Variants in COL12A1 observed in about 807,000 individuals in gnomAD.
COL12A1 encodes collagen alpha-1(XII) chain.
COL12A1 carries 114 observed loss-of-function variants against 349.7 expected under a neutral mutation model. That is an observed-to-expected ratio of 0.33 (90% CI 0.28 to 0.38). The LOEUF is 0.38. Among genes scored for constraint, COL12A1 ranks in the 10% least tolerant of loss-of-function variants. The probability of loss-of-function intolerance (pLI) is 1.00; values close to 1 mark genes in which losing one functional copy is unlikely to be tolerated. For missense variants in COL12A1, 3,284 were observed against 3,756.9 expected, an observed-to-expected ratio of 0.87 and a Z score of 3.29; for synonymous variants, 1,369 against 1,329.0, an observed-to-expected ratio of 1.03 and a Z score of -0.66.
intron 14 of COL12A1, among the ~76,000 whole-genome samples, chr6:75,160,408 G>A (rs1010496714): frequency 1.3e-5 from 2 of 152,188 alleles, no homozygotes; most frequent in Non-Finnish European, 2.9e-5. Flanking sequence ...TGCCCTCTTG[G>A]AAGCATATGT....
intron 2 of COL12A1, among the ~76,000 whole-genome samples, chr6:75,202,399 C>T (rs189073217): frequency 1.3e-5 from 2 of 152,174 alleles, no homozygotes; most frequent in Non-Finnish European, 2.9e-5. Context: ...TGATTAGAGC[C>T]GTCGCCCCCT....
At chr6:75,191,809 T>C in intron 4 of COL12A1, 49 bp from the exon 5 acceptor site, 1 of 1,267,038 alleles carries the variant, frequency 7.9e-7, no homozygotes, top group African/African-American at 1.5e-5. Context: ...CAAGCAGATA[T>C]TCTCTTTAAA....
intron 1 of COL12A1, among the ~76,000 whole-genome samples, chr6:75,204,371 A>G (rs1365196663): frequency 6.6e-6 from 1 of 152,020 alleles, no homozygotes; most frequent in Non-Finnish European, 1.5e-5. Flanking sequence ...GCTGAACTCA[A>G]CGAAAACCTG....
chr6:75,121,674 T>A (rs1765739863), intron 43 of COL12A1, among the ~76,000 whole-genome samples: 1 of 152,136 alleles, frequency 6.6e-6, no homozygotes, highest in African/African-American at 2.4e-5. Context: ...TTAAGAAGCA[T>A]TGCGGGGACC....
chr6:75,155,095 C>T (rs933539938), intron 16 of COL12A1, among the ~76,000 whole-genome samples: 8 of 152,192 alleles, frequency 5.3e-5, no homozygotes, highest in African/African-American at 1.9e-4. Flanking sequence ...ATTCTTTTTA[C>T]TGTAATGAAT....
intron 43 of COL12A1, 76 bp from the exon 44 acceptor site, chr6:75,121,517 T>C (rs1332036212): frequency 1.4e-6 from 2 of 1,446,908 alleles, no homozygotes; most frequent in East Asian, 2.3e-5. Context: ...TAATTGAAAA[T>C]GCAATATAAC....
At position 75,181,219 on chromosome 6, in the gene COL12A1, A is replaced by AAAAAAAAAAAAAGACAGTT. The variant is rs560088357; in HGVS notation, c.1892-9_1892-8insAACTGTCTTTTTTTTTTTT. 1.6e-5 allele frequency: 23 copies of AAAAAAAAAAAAAGACAGTT among 1,422,928 alleles called. No individual in the cohort carries two copies. In the African/African-American group the frequency reaches 4.8e-4, roughly 29 times the overall value. 88.1% of individuals were successfully genotyped at this position (1,422,928 alleles called of 1,614,324 possible). A position where few individuals can be genotyped will look rare whatever the true frequency, so the allele number is the denominator to read the frequency against. ...CCTTTGGAGGGACGTAAGCTATTTA[A>AAAAAAAAAAAAAGACAGTT]AAAAAAAAAAAGACAGTTAAAAATG... On this transcript the variant is annotated splice_polypyrimidine_tract_variant and intron_variant, in intron 10 of 65. Transcript: ENST00000322507.
At position 75,130,103 on chromosome 6, in the gene COL12A1, T is replaced by G. The variant is rs34619869; in HGVS notation, c.6198A>C (p.Pro2066=). The change falls in exon 37 of 66, where the codon CCA becomes CCC. Residue 2066 remains proline, a synonymous_variant. Transcript: ENST00000322507. ...GTATCAGACTTACATATTCATCAAT[T>G]GGATCACCAACAGTGGGAGAATAGA... is the stretch of plus-strand genomic sequence containing the variant. ...RIIYSPTVGD[P]IDEYTTVPGR... The G allele has an allele frequency of 2.0e-3, 3,270 of 1,613,380 alleles. 52 individuals are homozygous for G. In the African/African-American group the frequency reaches 0.036, roughly 18 times the overall value.
chr6:75,185,459 C>A (rs1769562206), intron 8 of COL12A1, among the ~76,000 whole-genome samples: 1 of 152,110 alleles, frequency 6.6e-6, no homozygotes, highest in Admixed American at 6.5e-5. Flanking sequence ...CAAACCACTG[C>A]TCAAAGAAAT....
At chr6:75,195,430 A>G (rs1300274656) in intron 2 of COL12A1, among the ~76,000 whole-genome samples, 1 of 152,206 alleles carries the variant, frequency 6.6e-6, no homozygotes, top group Non-Finnish European at 1.5e-5. Flanking sequence ...ACAAGAAACA[A>G]TGATGGTTTT....
intron 19 of COL12A1, 40 bp downstream of exon 19, chr6:75,152,091 G>C: frequency 6.2e-7 from 1 of 1,613,690 alleles, no homozygotes; most frequent in East Asian, 2.2e-5. Context: ...ACCTTAACCA[G>C]AAGCATGAGC....
At chr6:75,114,961 T>G (rs1769005841) in intron 49 of COL12A1, among the ~76,000 whole-genome samples, 3 of 152,072 alleles carry the variant, frequency 2.0e-5, no homozygotes, top group Admixed American at 2.0e-4. Flanking sequence ...GGTATTACAG[T>G]TCACTGAAAA....
intron 44 of COL12A1, among the ~76,000 whole-genome samples, chr6:75,120,760 T>G (rs1187648154): frequency 6.6e-6 from 1 of 152,214 alleles, no homozygotes; most frequent in African/African-American, 2.4e-5. Flanking sequence ...TACTTCAGTA[T>G]AACAAATATA....
rs370767331 is a variant in COL12A1, at chr6:75,137,438, G to T, written c.5393C>A (p.Thr1798Lys). 7 of 1,582,974 alleles carry T rather than the reference G, an allele frequency of 4.4e-6. No homozygotes were observed. The highest frequency in any genetic ancestry group is 1.4e-5 in the African/African-American group (1 of 72,780). ...TTATAATTTTTATTAAAAAATTACCGTTTGCTCATTGCCTTCCCCTGTGGA... is the reference window on the plus strand; with the variant it reads ...TTATAATTTTTATTAAAAAATTACCTTTTGCTCATTGCCTTCCCCTGTGGA... ...QPSTGEGNEQ[T>K]TTIGGRQNSV... The change falls in exon 31 of 66, where the codon ACG (threonine) becomes AAG (lysine). Residue 1798 changes from threonine (T) to lysine (K), a missense_variant and splice_region_variant. Thr to Lys is a moderately conservative substitution (Grantham distance 78). This residue lies in a region of COL12A1 where 2,601 missense variants were observed against 2,824.8 expected (regional missense o/e 0.92). Transcript: ENST00000322507.
intron 14 of COL12A1, among the ~76,000 whole-genome samples, chr6:75,164,605 G>A (rs943543555): frequency 5.9e-5 from 9 of 152,300 alleles, no homozygotes; most frequent in Middle Eastern, 3.4e-3. Flanking sequence ...TTTTGGTACA[G>A]AGATTGAGCA....
Position 75,096,895 on chromosome 6 carries a change from CAAAAAA to C in COL12A1, c.8577+352_8577+357del, listed in dbSNP as rs35243223. On this transcript the variant is annotated intron_variant, in intron 59 of 65. Coordinates refer to ENST00000322507, the MANE Select transcript of COL12A1 (RefSeq NM_004370.6). Reference sequence around the variant, plus strand: ...TGGGCGACAGAGCGAGACTCCGTCTCAAAAAAAAAAAAAAAAAAAAAAAAATTCTGT... The same window carrying C: ...TGGGCGACAGAGCGAGACTCCGTCTCAAAAAAAAAAAAAAAAAAATTCTGT... 1.5e-4 allele frequency among the ~76,000 whole-genome samples: 11 copies of C among 73,298 alleles called. No individual in the cohort carries two copies. The South Asian group carries it at 1.6e-3, about 11-fold the overall frequency. 48.1% of individuals were successfully genotyped at this position (73,298 alleles called of 152,430 possible).
Position 75,137,625 on chromosome 6 carries a change from C to T in COL12A1, c.5252-46G>A, listed in dbSNP as rs759975330. ...AACTGAGTAAGCAGACAGAACAATG[C>T]CTCCCCCTAAAATATATACAGCTCC... is the stretch of plus-strand genomic sequence containing the variant. On this transcript the variant is annotated intron_variant, in intron 30 of 65. Transcript: ENST00000322507. The T allele has an allele frequency of 3.1e-6, 5 of 1,606,084 alleles. No homozygotes were observed. The Admixed American group carries it at 6.8e-5, about 22-fold the overall frequency.
At chr6:75,175,747 G>A (rs1056432216) in intron 12 of COL12A1, among the ~76,000 whole-genome samples, 8 of 152,128 alleles carry the variant, frequency 5.3e-5, no homozygotes, top group Admixed American at 3.9e-4. Flanking sequence ...TAACAGGAGC[G>A]AATTCTGATA....
rs1256512105 is a variant in COL12A1 at position 75,114,543 on chromosome 6, C to T, written c.7698-799G>A. Among the ~76,000 whole-genome samples the T allele has an allele frequency of 3.9e-5, 6 of 151,938 alleles. No individual in the cohort carries two copies. The East Asian group carries it at 1.2e-3, about 29-fold the overall frequency. ...TTCTATCTGAGAACATTTAATAACA[C>T]TTTCTCCCTGAAGGTAAGAAAAAGA... On this transcript the variant is annotated intron_variant, in intron 49 of 65. Coordinates refer to ENST00000322507, the MANE Select transcript of COL12A1 (RefSeq NM_004370.6).
Sources: allele counts gnomAD v4.1 joint callset (sites outside exome capture counted in the v4.1 genomes callset), GRCh38; gene constraint gnomAD v4.1.1; regional missense constraint gnomAD v4.1.1; transcripts MANE v1.5; gene names NCBI Gene and HGNC (gene_info 2026-07-23, HGNC 2026-07-21).